PCSK2: variants seen among roughly 807,000 people sequenced by gnomAD.
PCSK2 encodes the protein neuroendocrine convertase 2.
Under a neutral mutation model 69.7 loss-of-function variants are expected in PCSK2, and 14 were observed. The observed-to-expected ratio is 0.20, with a 90% CI of 0.13 to 0.31. PCSK2 has a LOEUF of 0.31. Ranked by LOEUF, PCSK2 falls within the 10% of genes least tolerant of loss-of-function variation. The pLI is 1.00. For missense variants in PCSK2, 544 were observed against 842.5 expected (o/e 0.65, Z 4.39); for synonymous variants, 307 against 320.7 (o/e 0.96, Z 0.46).
At chr20:17,307,940 G>A (rs1343526044) in intron 2 of PCSK2, among the ~76,000 whole-genome samples, 1 of 152,092 alleles carries the variant, frequency 6.6e-6, no homozygotes, top group Non-Finnish European at 1.5e-5. Flanking sequence ...GGAGATTTCT[G>A]GAAGCTTCCA....
At position 17,436,735 on chromosome 20, in the gene PCSK2, T is replaced by A; in HGVS notation, c.737T>A (p.Met246Lys). 6.2e-7 allele frequency: 1 copy of A among 1,613,918 alleles called. No homozygotes were observed. The highest frequency in any genetic ancestry group is 8.5e-7 in the Non-Finnish European group (1 of 1,179,954). The change falls in exon 8 of 12, where the codon ATG becomes AAG. Residue 246 changes from methionine to lysine, a missense_variant. Coordinates refer to ENST00000262545, the MANE Select transcript of PCSK2 (RefSeq NM_002594.5). ...AGIRMLDQPF[M>K]TDIIEASSIS... ...ATCCGGATGCTGGACCAGCCATTCA[T>A]GACAGACATCATCGAGGCCTCCTCC...
At position 17,231,785 on chromosome 20, in the gene PCSK2, A is replaced by G. The variant is rs1030181537; in HGVS notation, c.177+4303A>G. On this transcript the variant is annotated intron_variant, in intron 1 of 11. Coordinates refer to ENST00000262545, the MANE Select transcript of PCSK2 (RefSeq NM_002594.5). ...AGGCTGCTGGGTCCCATCTAGAGGC[A>G]TGACCAAGAAACAACCCTCTTCTGA... 5.3e-5 allele frequency among the ~76,000 whole-genome samples: 8 copies of G among 152,332 alleles called. No individual in the cohort carries two copies. The East Asian group carries it at 1.5e-3, about 29-fold the overall frequency.
chr20:17,364,209 T>C (rs2030508865), intron 4 of PCSK2, among the ~76,000 whole-genome samples: 1 of 151,468 alleles, frequency 6.6e-6, no homozygotes, highest in African/African-American at 2.4e-5. Flanking sequence ...TAAATTCAAA[T>C]AAATAAATAA....
chr20:17,310,858 C>T (rs552086756), intron 2 of PCSK2, among the ~76,000 whole-genome samples: 13 of 151,392 alleles, frequency 8.6e-5, no homozygotes, highest in East Asian at 4.1e-4. Flanking sequence ...TTTTGTATTA[C>T]GGGCGTGGTG....
Position 17,458,223 on chromosome 20 carries a change from C to A in PCSK2, c.1202+1775C>A, listed in dbSNP as rs143266034. On this transcript the variant is annotated intron_variant, in intron 10 of 11. Coordinates refer to ENST00000262545, the MANE Select transcript of PCSK2 (RefSeq NM_002594.5). ...CAACTTTCTGAGGTTGGAAGCAGAC[C>A]CTGAGATGAGATTTTGGTGCAAGTG... Among the ~76,000 whole-genome samples, 658 of 152,102 alleles carry A rather than the reference C, an allele frequency of 4.3e-3. 7 individuals are homozygous for A. Among genetic ancestry groups the A allele is most frequent in the African/African-American group, 0.015 (620 of 41,480 alleles).
In PCSK2 at chr20:17,484,451, A is replaced by G. The variant is rs1489394385; in HGVS notation, c.*2381A>G. 1 of 152,544 alleles carries G rather than the reference A, an allele frequency of 6.6e-6. No individual in the cohort carries two copies. Among genetic ancestry groups the G allele is most frequent in the Non-Finnish European group, 1.5e-5 (1 of 68,000 alleles). 9.4% of individuals were successfully genotyped at this position (152,544 alleles called of 1,614,324 possible). The stretch of plus-strand genomic sequence containing the variant: ...CAGTTATTTATAGTCATTTATTTTA[A>G]AAAATGAAAATAAGTGAATAATAAT... On this transcript the variant is annotated 3_prime_UTR_variant, in exon 12 of 12. Transcript: ENST00000262545.
intron 1 of PCSK2, among the ~76,000 whole-genome samples, chr20:17,241,865 C>T (rs1391331623): frequency 1.3e-5 from 2 of 152,216 alleles, no homozygotes; most frequent in Admixed American, 6.5e-5. Flanking sequence ...CTAATAGGCA[C>T]ATTACTCCCT....
intron 2 of PCSK2, among the ~76,000 whole-genome samples, chr20:17,280,143 G>T (rs933312223): frequency 1.3e-5 from 2 of 152,136 alleles, no homozygotes; most frequent in Non-Finnish European, 2.9e-5. Context: ...AATTTTTGTG[G>T]TAAGAGTTTT....
chr20:17,439,847 C>T (rs1427192878), intron 8 of PCSK2, among the ~76,000 whole-genome samples: 1 of 152,210 alleles, frequency 6.6e-6, no homozygotes, highest in Non-Finnish European at 1.5e-5. Context: ...AGACAGTTTC[C>T]TTGGGACACA....
intron 1 of PCSK2, among the ~76,000 whole-genome samples, chr20:17,232,100 C>T (rs968468686): frequency 1.2e-4 from 19 of 152,180 alleles, no homozygotes; most frequent in African/African-American, 3.9e-4. Context: ...TTCACCTTTG[C>T]GTAATCTAAT....
At chr20:17,333,810 A>C (rs1044858850) in intron 2 of PCSK2, among the ~76,000 whole-genome samples, 4 of 151,240 alleles carry the variant, frequency 2.6e-5, no homozygotes, top group Non-Finnish European at 5.9e-5. Flanking sequence ...CAAGGATTAA[A>C]TAAGTGTAAA....
intron 1 of PCSK2, among the ~76,000 whole-genome samples, chr20:17,237,898 G>A (rs1303521550): frequency 6.6e-6 from 1 of 152,170 alleles, no homozygotes; most frequent in Non-Finnish European, 1.5e-5. Flanking sequence ...GGGTGAGGAA[G>A]TTGGGGTATT....
At chr20:17,393,744 C>T (rs980569702) in intron 5 of PCSK2, among the ~76,000 whole-genome samples, 40 of 151,994 alleles carry the variant, frequency 2.6e-4, no homozygotes, top group Admixed American at 1.8e-3. Flanking sequence ...TTTCCATTTT[C>T]CACTTGTTTT....
chr20:17,340,295 A>G (rs1219232796), intron 2 of PCSK2, among the ~76,000 whole-genome samples: 2 of 23,394 alleles, frequency 8.5e-5, no homozygotes, highest in Non-Finnish European at 2.5e-4. Context: ...CCATCCCCCA[A>G]ACTAACTAGC....
At position 17,246,362 on chromosome 20, in the gene PCSK2, G is replaced by C. The variant is rs147913077; in HGVS notation, c.178-13878G>C. Among the ~76,000 whole-genome samples, 233 of 152,266 alleles carry C rather than the reference G, an allele frequency of 1.5e-3. 1 individual carries two copies. Among genetic ancestry groups the C allele is most frequent in the African/African-American group, 5.5e-3 (229 of 41,554 alleles). On this transcript the variant is annotated intron_variant, in intron 1 of 11. Coordinates refer to ENST00000262545, the MANE Select transcript of PCSK2 (RefSeq NM_002594.5). ...TGTACAATCCACTTGGCTGTGGGTTGGAGCGGCTCTATTAGAATTGACTGG... is the reference window on the plus strand; with the variant it reads ...TGTACAATCCACTTGGCTGTGGGTTCGAGCGGCTCTATTAGAATTGACTGG...
At chr20:17,326,206 G>T (rs1990046446) in intron 2 of PCSK2, among the ~76,000 whole-genome samples, 1 of 152,216 alleles carries the variant, frequency 6.6e-6, no homozygotes, top group Admixed American at 6.5e-5. Context: ...TAGAGGTCAG[G>T]TGAATGATAA....
chr20:17,474,724 T>C (rs2033263083), intron 11 of PCSK2, among the ~76,000 whole-genome samples: 1 of 152,132 alleles, frequency 6.6e-6, no homozygotes, highest in Non-Finnish European at 1.5e-5. Flanking sequence ...AGGCTCCTTC[T>C]TGGGACTCAA....
intron 2 of PCSK2, among the ~76,000 whole-genome samples, chr20:17,318,818 A>G (rs1284013538): frequency 6.6e-6 from 1 of 152,196 alleles, no homozygotes; most frequent in African/African-American, 2.4e-5. Context: ...CTTCAGGGAG[A>G]TAGAGAGAAA....
At chr20:17,429,334 C>A in intron 6 of PCSK2, 101 bp from the exon 7 acceptor site, 2 of 822,188 alleles carry the variant, frequency 2.4e-6, no homozygotes, top group Non-Finnish European at 2.1e-6. Context: ...GTATATGATA[C>A]GCAGATTTCA....
Sources: gnomAD v4.1 joint callset for allele counts (sites outside exome capture counted in the v4.1 genomes callset) on GRCh38, gnomAD v4.1.1 for gene constraint, MANE v1.5 for transcripts, NCBI Gene and HGNC (gene_info 2026-07-23, HGNC 2026-07-21) for gene names.